Variants in GUCY2C observed in about 807,000 individuals in gnomAD.
The protein encoded by GUCY2C is guanylate cyclase 2C.
A neutral mutation model predicts 131.1 loss-of-function variants in GUCY2C; 118 were observed. The ratio of observed to expected loss-of-function variants is 0.90; its 90% CI spans 0.78 to 1.05. The LOEUF is 1.05. Among genes scored for constraint, GUCY2C ranks in the 50% least tolerant of loss-of-function variants. GUCY2C has a pLI of 0.00. For missense variants in GUCY2C, 1,161 were observed against 1,304.4 expected (o/e 0.89, Z 1.69); for synonymous variants, 452 against 457.8 (o/e 0.99, Z 0.16).
At chr12:14,685,595 A>AGGGTGATT (rs946620740) in intron 3 of GUCY2C, among the ~76,000 whole-genome samples, 48 of 152,334 alleles carry the variant, frequency 3.2e-4, no homozygotes, top group African/African-American at 1.1e-3. Context: ...GGAAGAGATG[A>AGGGTGATT]GGGTGATTTT....
rs769585061 is a variant in GUCY2C, at chr12:14,651,521, C to A, written c.1606-10G>T. On this transcript the variant is annotated splice_polypyrimidine_tract_variant and intron_variant, in intron 14 of 26. Coordinates refer to ENST00000261170, the MANE Select transcript of GUCY2C (RefSeq NM_004963.4). ...AGTCAATCTGAAGCAACTAGAAGAACGTGTTTGTTTACAAAGCAAATTAGG... is the reference window on the plus strand; with the variant it reads ...AGTCAATCTGAAGCAACTAGAAGAAAGTGTTTGTTTACAAAGCAAATTAGG... The A allele has an allele frequency of 2.0e-6, 3 of 1,491,682 alleles. 1 individual carries two copies. Among genetic ancestry groups the A allele is most frequent in the South Asian group, 2.3e-5 (2 of 86,692 alleles). The allele number at this position is 1,491,682 out of a possible 1,614,324, so 92.4% of individuals were successfully genotyped here.
In GUCY2C at chr12:14,694,007, T is replaced by A. The variant is rs554174805; in HGVS notation, c.217+2225A>T. ...TGTCAATAACAACAACAGCAACAACTACCATTTATTGAGTTCTTACTATGT... is the reference window on the plus strand; with the variant it reads ...TGTCAATAACAACAACAGCAACAACAACCATTTATTGAGTTCTTACTATGT... On this transcript the variant is annotated intron_variant, in intron 1 of 26. Coordinates refer to ENST00000261170, the MANE Select transcript of GUCY2C (RefSeq NM_004963.4). Among the ~76,000 whole-genome samples, 3 of 152,326 alleles carry A rather than the reference T, an allele frequency of 2.0e-5. No individual in the cohort carries two copies. In the East Asian group the frequency reaches 5.8e-4, roughly 29 times the overall value.
chr12:14,622,207 C>A lies in GUCY2C; in HGVS notation c.2409-10G>T, dbSNP rs777958744. 4.8e-6 allele frequency: 7 copies of A among 1,462,422 alleles called. No homozygotes were observed. Among genetic ancestry groups the A allele is most frequent in the Admixed American group, 2.8e-5 (1 of 35,834 alleles). The allele number at this position is 1,462,422 out of a possible 1,614,324, so 90.6% of individuals were successfully genotyped here. A position where few individuals can be genotyped will look rare whatever the true frequency, so the allele number is the denominator to read the frequency against. On this transcript the variant is annotated splice_polypyrimidine_tract_variant and intron_variant, in intron 21 of 26. Transcript: ENST00000261170. ...AGACTTTACCACTAGCCTAGATGAA[C>A]GAAGGGAAAAAAAATGCCTTCAACT...
chr12:14,655,662 G>T (rs1295138077), intron 12 of GUCY2C, among the ~76,000 whole-genome samples: 1 of 152,164 alleles, frequency 6.6e-6, no homozygotes, highest in East Asian at 1.9e-4. Flanking sequence ...CATCTGTGGA[G>T]GTCTTGGGTC....
intron 15 of GUCY2C, among the ~76,000 whole-genome samples, chr12:14,645,888 T>G (rs553223935): frequency 6.6e-6 from 1 of 151,952 alleles, no homozygotes; most frequent in Non-Finnish European, 1.5e-5. Context: ...CAGGCTGGCA[T>G]GCAGTGGCAC....
rs1425628146 is a variant in GUCY2C, at chr12:14,681,363, T to G, written c.726A>C (p.Lys242Asn). The change falls in exon 5 of 27, where the codon AAA becomes AAC. Residue 242 changes from lysine to asparagine, a missense_variant. Transcript: ENST00000261170. ...ATCTTCATGTCTTCTTACCATTGCT[T>G]TTCCTGTTGTGGTCCATTAAGATAT... Reference protein sequence around the residue: ...FQDILMDHNRKSNVIIMCGGP... With the variant: ...FQDILMDHNRNSNVIIMCGGP... 1 of 1,612,786 alleles carries G rather than the reference T, an allele frequency of 6.2e-7. No homozygotes were observed. Among genetic ancestry groups the G allele is most frequent in the Non-Finnish European group, 8.5e-7 (1 of 1,178,982 alleles).
intron 22 of GUCY2C, 109 bp downstream of exon 22, chr12:14,621,895 TA>T: frequency 1.4e-6 from 1 of 691,360 alleles, no homozygotes; most frequent in Non-Finnish European, 2.4e-6. Flanking sequence ...ACCAATTCAC[TA>T]AATGTGAAAC....
rs754150242 is a variant in GUCY2C at position 14,696,371 on chromosome 12, C to T, written c.78G>A (p.Val26=). ...QPGWLSFSSQ[V]SQNCHNGSYE... is the part of the protein sequence containing the mutation. ...AGCTGCCATTGTGGCAGTTCTGACT[C>T]ACCTGGGAACTAAAGGACAGCCACC... is the stretch of plus-strand genomic sequence containing the variant. The change falls in exon 1 of 27, where the codon GTG becomes GTA. Residue 26 remains valine (V), a synonymous_variant. Coordinates refer to ENST00000261170, the MANE Select transcript of GUCY2C (RefSeq NM_004963.4). 1 of 1,614,116 alleles carries T rather than the reference C, an allele frequency of 6.2e-7. No individual in the cohort carries two copies. The highest frequency in any genetic ancestry group is 2.2e-5 in the East Asian group (1 of 44,870).
rs919162137 is a variant in GUCY2C at position 14,681,428 on chromosome 12, C to T, written c.661G>A (p.Gly221Ser). ...ASVSYFSHEL[G>S]FKVVLRQDKE... Reference sequence around the variant, plus strand: ...TCTTGTCTTAACACCACCTTAAAGCCGAGTTCGTGGGAGAAATAGGAAACG... The same window carrying T: ...TCTTGTCTTAACACCACCTTAAAGCTGAGTTCGTGGGAGAAATAGGAAACG... The change falls in exon 5 of 27, where the codon GGC becomes AGC. Residue 221 changes from glycine (G) to serine (S), a missense_variant. Coordinates refer to ENST00000261170, the MANE Select transcript of GUCY2C (RefSeq NM_004963.4). The T allele has an allele frequency of 2.0e-5, 33 of 1,612,086 alleles. No individual in the cohort carries two copies. Among genetic ancestry groups the T allele is most frequent in the East Asian group, 4.5e-5 (2 of 44,850 alleles).
At chr12:14,689,700 A>G (rs1224603137) in intron 1 of GUCY2C, among the ~76,000 whole-genome samples, 2 of 152,216 alleles carry the variant, frequency 1.3e-5, no homozygotes, top group Non-Finnish European at 2.9e-5. Context: ...AAACTCACGC[A>G]TGAGGGAATG....
chr12:14,649,654 C>T (rs746792028), intron 15 of GUCY2C, among the ~76,000 whole-genome samples: 121 of 152,172 alleles, frequency 8.0e-4, no homozygotes, highest in Non-Finnish European at 1.4e-3. Flanking sequence ...AGAAAAACCA[C>T]ATGAGCATTT....
Position 14,624,526 on chromosome 12 carries a change from T to C in GUCY2C, c.2408+1231A>G, listed in dbSNP as rs574184823. 2.9e-3 allele frequency among the ~76,000 whole-genome samples: 438 copies of C among 152,304 alleles called. 2 individuals carry two copies. Among genetic ancestry groups the C allele is most frequent in the Non-Finnish European group, 4.7e-3 (320 of 68,018 alleles). On this transcript the variant is annotated intron_variant, in intron 21 of 26. Coordinates refer to ENST00000261170, the MANE Select transcript of GUCY2C (RefSeq NM_004963.4). The stretch of plus-strand genomic sequence containing the variant: ...TTAATGTATTTACCCCAAGGGGTAC[T>C]ATTCAAATAAATGTCTAAGTGATAT...
intron 1 of GUCY2C, among the ~76,000 whole-genome samples, chr12:14,695,320 A>G (rs1011590252): frequency 6.6e-6 from 1 of 152,158 alleles, no homozygotes. Context: ...TTTTATAACT[A>G]AAAGGTACAA....
Position 14,688,016 on chromosome 12 carries a change from T to G in GUCY2C, c.265A>C (p.Ile89Leu), listed in dbSNP as rs1948506653. 1 of 1,613,906 alleles carries G rather than the reference T, an allele frequency of 6.2e-7. No individual in the cohort carries two copies. The highest frequency in any genetic ancestry group is 8.5e-7 in the Non-Finnish European group (1 of 1,179,888). The part of the protein sequence containing the change: ...NATFMYSDGL[I>L]HNSGDCRSST... ...CTCCGGCAGTCGCCTGAGTTATGAA[T>G]CAGACCATCCGAATACATGAAAGTA... The change falls in exon 2 of 27, where the codon ATT becomes CTT. Residue 89 changes from isoleucine to leucine, a missense_variant. Physicochemically the swap from Ile to Leu is conservative, Grantham distance 5 (BLOSUM62 2). Coordinates refer to ENST00000261170, the MANE Select transcript of GUCY2C (RefSeq NM_004963.4).
chr12:14,644,788 C>T (rs1947485116), intron 16 of GUCY2C, among the ~76,000 whole-genome samples: 1 of 141,170 alleles, frequency 7.1e-6, no homozygotes, highest in African/African-American at 2.7e-5. Context: ...GTCACCCAGG[C>T]TGGAGTGCAA....
intron 1 of GUCY2C, among the ~76,000 whole-genome samples, chr12:14,692,425 TA>T (rs755230059): frequency 2.4e-4 from 37 of 151,600 alleles, no homozygotes; most frequent in Admixed American, 3.9e-4. Flanking sequence ...AACAGATATT[TA>T]TTTTTTTTGA....
intron 1 of GUCY2C, among the ~76,000 whole-genome samples, chr12:14,691,458 AG>A (rs1948573558): frequency 6.6e-6 from 1 of 152,218 alleles, no homozygotes; most frequent in Non-Finnish European, 1.5e-5. Flanking sequence ...ATGAGGCTAC[AG>A]TGGACCTGGG....
chr12:14,656,279 A>C (rs1947761720), intron 12 of GUCY2C, among the ~76,000 whole-genome samples: 1 of 152,208 alleles, frequency 6.6e-6, no homozygotes, highest in Non-Finnish European at 1.5e-5. Context: ...AGATGCAAAG[A>C]ACGAGAACAC....
chr12:14,688,193 C>T, intron 1 of GUCY2C, 130 bp from the exon 2 acceptor site: 2 of 626,926 alleles, frequency 3.2e-6, no homozygotes, highest in Non-Finnish European at 2.9e-6. Context: ...ATCCTGAGCC[C>T]TTGTTTTACT....
Sources: allele counts gnomAD v4.1 joint callset (sites outside exome capture counted in the v4.1 genomes callset), GRCh38; gene constraint gnomAD v4.1.1; transcripts MANE v1.5; gene names NCBI Gene and HGNC (gene_info 2026-07-23, HGNC 2026-07-21).